ARMH3: variants seen among roughly 807,000 people sequenced by gnomAD.
ARMH3 encodes the protein armadillo like helical domain containing 3.
In ARMH3, 60 loss-of-function variants were observed where a neutral mutation model predicts 99.1. That is an observed-to-expected ratio of 0.61 (90% CI 0.49 to 0.75). The LOEUF (loss-of-function observed/expected upper bound fraction) is 0.75, where lower values mean the gene tolerates loss of function less well. Among genes scored for constraint, ARMH3 ranks in the 30% least tolerant of loss-of-function variants. The pLI, the probability that ARMH3 is intolerant of heterozygous loss-of-function variation, is 0.00. For missense variants in ARMH3, 679 were observed against 843.1 expected (o/e 0.81, Z 2.41); for synonymous variants, 285 against 292.8 (o/e 0.97, Z 0.27).
At chr10:101,989,151 T>C (rs1219866546) in intron 19 of ARMH3, among the ~76,000 whole-genome samples, 1 of 152,178 alleles carries the variant, frequency 6.6e-6, no homozygotes, top group African/African-American at 2.4e-5. Context: ...ATCACATTAA[T>C]GTGGCACAGC....
chr10:101,897,859 G>T (rs1022247169), intron 23 of ARMH3, among the ~76,000 whole-genome samples: 1 of 152,166 alleles, frequency 6.6e-6, no homozygotes, highest in African/African-American at 2.4e-5. Context: ...ACTTATACAG[G>T]CTGAAGCAAA....
At position 101,908,651 on chromosome 10, in the gene ARMH3, G is replaced by A. The variant is rs1375923265; in HGVS notation, c.1782-19161C>T. ...TAAAGTAAAATAATTACCACTGTGG[G>A]TTTTTTCTTTTTCTTTTTTTTTTTT... On this transcript the variant is annotated intron_variant, in intron 23 of 25. Transcript: ENST00000370033. Among the ~76,000 whole-genome samples, 4 of 150,714 alleles carry A rather than the reference G, an allele frequency of 2.7e-5. No individual in the cohort carries two copies. The East Asian group carries it at 5.8e-4, about 22-fold the overall frequency.
intron 23 of ARMH3, among the ~76,000 whole-genome samples, chr10:101,901,618 T>C (rs114266984): frequency 0.022 from 3,404 of 152,260 alleles, 127 homozygotes; most frequent in African/African-American, 0.079. Context: ...GCTCCAGCAC[T>C]GACTTATGTT....
At chr10:102,043,836 T>C (rs1191256248) in intron 1 of ARMH3, among the ~76,000 whole-genome samples, 1 of 152,240 alleles carries the variant, frequency 6.6e-6, no homozygotes, top group Non-Finnish European at 1.5e-5. Context: ...GGTAAATCAA[T>C]GAAGGCTTTT....
At chr10:101,874,282 TA>T (rs1214180822) in intron 24 of ARMH3, among the ~76,000 whole-genome samples, 1 of 151,860 alleles carries the variant, frequency 6.6e-6, no homozygotes, top group African/African-American at 2.4e-5. Flanking sequence ...AAGTTAAATT[TA>T]AAAGTCCAGC....
intron 24 of ARMH3, among the ~76,000 whole-genome samples, chr10:101,852,593 TA>T (rs1392657687): frequency 6.6e-6 from 1 of 152,010 alleles, no homozygotes; most frequent in Non-Finnish European, 1.5e-5. Context: ...CCATCTGTAC[TA>T]AAAATACAAA....
chr10:101,950,252 C>G (rs192485499), intron 22 of ARMH3, among the ~76,000 whole-genome samples: 1 of 151,938 alleles, frequency 6.6e-6, no homozygotes, highest in Non-Finnish European at 1.5e-5. Flanking sequence ...ACTAATAAAC[C>G]CAATAAGTGA....
At chr10:102,005,174 G>GC (rs1189218417) in intron 14 of ARMH3, among the ~76,000 whole-genome samples, 2 of 151,974 alleles carry the variant, frequency 1.3e-5, no homozygotes. Context: ...TCCAGCCTAG[G>GC]CAACAGTGCG....
chr10:101,897,237 T>G (rs2135480209), intron 23 of ARMH3, among the ~76,000 whole-genome samples: 1 of 152,286 alleles, frequency 6.6e-6, no homozygotes, highest in South Asian at 2.1e-4. Flanking sequence ...TAACCAAACC[T>G]CTAGCTTCTC....
At chr10:101,881,384 C>T (rs2067412990) in intron 24 of ARMH3, among the ~76,000 whole-genome samples, 1 of 152,132 alleles carries the variant, frequency 6.6e-6, no homozygotes, top group South Asian at 2.1e-4. Context: ...CTCTTAAAAA[C>T]TGAAAGCAGG....
intron 2 of ARMH3, among the ~76,000 whole-genome samples, chr10:102,033,904 G>C (rs929572018): frequency 6.6e-6 from 1 of 152,144 alleles, no homozygotes; most frequent in African/African-American, 2.4e-5. Flanking sequence ...CTTCTAGCAA[G>C]AAATGAACAT....
At chr10:101,915,652 A>T (rs77339072) in intron 23 of ARMH3, among the ~76,000 whole-genome samples, 4,497 of 152,222 alleles carry the variant, frequency 0.03, 108 homozygotes, top group Non-Finnish European at 0.045. Flanking sequence ...TGGTTCACCT[A>T]TCCCTGGGTC....
At chr10:101,972,209 A>C (rs1374904269) in intron 20 of ARMH3, among the ~76,000 whole-genome samples, 3 of 152,124 alleles carry the variant, frequency 2.0e-5, no homozygotes, top group African/African-American at 7.2e-5. Context: ...GAATCTGGAG[A>C]CCTCTGGCTA....
chr10:101,993,436 T>C, intron 17 of ARMH3, 102 bp downstream of exon 17: 1 of 852,292 alleles, frequency 1.2e-6, no homozygotes, highest in Non-Finnish European at 1.8e-6. Flanking sequence ...TTGGCACAAC[T>C]TTCCACCCAC....
chr10:101,932,175 T>TA (rs1227767090), intron 23 of ARMH3, among the ~76,000 whole-genome samples: 1 of 152,086 alleles, frequency 6.6e-6, no homozygotes, highest in African/African-American at 2.4e-5. Flanking sequence ...ACTAGTTATT[T>TA]AAAAAAATGA....
intron 1 of ARMH3, among the ~76,000 whole-genome samples, chr10:102,041,300 G>A (rs576999557): frequency 6.6e-6 from 1 of 151,234 alleles, no homozygotes; most frequent in Non-Finnish European, 1.5e-5. Context: ...CACCTCCCAG[G>A]TTCTTTTCAT....
chr10:101,922,628 T>C (rs989342118), intron 23 of ARMH3, among the ~76,000 whole-genome samples: 4 of 152,210 alleles, frequency 2.6e-5, no homozygotes, highest in Admixed American at 2.6e-4. Context: ...TATTCATTAA[T>C]AGAATTTATC....
chr10:101,961,310 C>CT (rs960925720), intron 20 of ARMH3, among the ~76,000 whole-genome samples: 28 of 146,888 alleles, frequency 1.9e-4, no homozygotes, highest in East Asian at 7.9e-4. Context: ...CTTGCTCTCT[C>CT]TTTTTTTTTT....
At chr10:101,850,090 C>CTCTTT (rs752507279) in intron 24 of ARMH3, among the ~76,000 whole-genome samples, 198 bp from the exon 25 acceptor site, 55 of 91,368 alleles carry the variant, frequency 6.0e-4, no homozygotes, top group Non-Finnish European at 7.1e-4. Context: ...CTCTCTCTCT[C>CTCTTT]TTTTTTTTTT....
Sources: gnomAD v4.1 joint callset for allele counts (sites outside exome capture counted in the v4.1 genomes callset) on GRCh38, gnomAD v4.1.1 for gene constraint, MANE v1.5 for transcripts, NCBI Gene and HGNC (gene_info 2026-07-23, HGNC 2026-07-21) for gene names.